PPM1E: variants seen among roughly 807,000 people sequenced by gnomAD.
PPM1E encodes the protein protein phosphatase 1E.
Under a neutral mutation model 65.9 loss-of-function variants are expected in PPM1E, and 20 were observed. The observed-to-expected ratio is 0.30, with a 90% CI of 0.21 to 0.44. The LOEUF (loss-of-function observed/expected upper bound fraction) is 0.44. PPM1E is among the 20% of genes least tolerant of loss of function. PPM1E has a pLI of 1.00. For synonymous variants in PPM1E, 352 were observed against 374.9 expected, an observed-to-expected ratio of 0.94 and a Z score of 0.70; for missense variants, 713 against 953.1, an observed-to-expected ratio of 0.75 and a Z score of 3.32.
intron 1 of PPM1E, among the ~76,000 whole-genome samples, chr17:58,818,842 G>A (rs1016824741): frequency 6.6e-6 from 1 of 152,274 alleles, no homozygotes; most frequent in South Asian, 2.1e-4. Flanking sequence ...TACTCAACAC[G>A]TATTTGCTGA....
intron 1 of PPM1E, among the ~76,000 whole-genome samples, chr17:58,772,785 A>G (rs2049953106): frequency 6.6e-6 from 1 of 152,026 alleles, no homozygotes; most frequent in Non-Finnish European, 1.5e-5. Context: ...GGCACTGTAG[A>G]CTCTGTATTT....
chr17:58,800,121 T>C (rs1443506130), intron 1 of PPM1E, among the ~76,000 whole-genome samples: 2 of 152,206 alleles, frequency 1.3e-5, no homozygotes, highest in Non-Finnish European at 2.9e-5. Context: ...TATATATACA[T>C]ATAGATGGAT....
intron 1 of PPM1E, among the ~76,000 whole-genome samples, chr17:58,840,935 C>G (rs1291942699): frequency 6.6e-6 from 1 of 152,128 alleles, no homozygotes; most frequent in Non-Finnish European, 1.5e-5. Flanking sequence ...AGAGAAAAAG[C>G]TGTCTGCAAA....
Position 58,979,984 on chromosome 17 carries a change from A to G in PPM1E, c.1221A>G (p.Glu407=). ...LSVSRAIGDA[E]HKPYICGDAD... ...CTCTGCTTCCCGCAGGAGATGCTGA[A>G]CATAAGCCATATATCTGTGGGGATG... The change falls in exon 7 of 7, where the codon GAA becomes GAG. Residue 407 remains glutamate, a synonymous_variant. Transcript: ENST00000308249. 1 of 1,612,330 alleles carries G rather than the reference A, an allele frequency of 6.2e-7. No individual in the cohort carries two copies. The highest frequency in any genetic ancestry group is 8.5e-7 in the Non-Finnish European group (1 of 1,178,696).
intron 1 of PPM1E, among the ~76,000 whole-genome samples, chr17:58,926,759 C>A (rs1447161195): frequency 3.3e-5 from 5 of 152,086 alleles, no homozygotes; most frequent in Admixed American, 3.3e-4. Flanking sequence ...TATAACAAAA[C>A]CAATTAGCTA....
rs1008941709 is a variant in PPM1E at position 58,826,792 on chromosome 17, A to AT, written c.464+70341dup. On this transcript the variant is annotated intron_variant, in intron 1 of 6. Coordinates refer to ENST00000308249, the MANE Select transcript of PPM1E (RefSeq NM_014906.5). ...AGGTGCATGCCACCTCACCTGGCTA[A>AT]TTTTTTTTTTGTATTTTTAGTAGAG... Among the ~76,000 whole-genome samples the AT allele has an allele frequency of 5.8e-4, 86 of 148,258 alleles. 2 individuals carry two copies. The highest frequency in any genetic ancestry group is 1.6e-3 in the Admixed American group (24 of 14,848).
At chr17:58,928,320 A>G (rs935254596) in intron 1 of PPM1E, among the ~76,000 whole-genome samples, 2 of 152,094 alleles carry the variant, frequency 1.3e-5, no homozygotes, top group Non-Finnish European at 2.9e-5. Context: ...CTAATCTAGC[A>G]TTCTTATACT....
At chr17:58,889,430 C>T (rs2051318878) in intron 1 of PPM1E, among the ~76,000 whole-genome samples, 1 of 152,104 alleles carries the variant, frequency 6.6e-6, no homozygotes, top group African/African-American at 2.4e-5. Context: ...GAAACCCCAT[C>T]TCTACTAAAA....
chr17:58,843,023 A>C (rs1004060707), intron 1 of PPM1E, among the ~76,000 whole-genome samples: 4 of 152,126 alleles, frequency 2.6e-5, no homozygotes, highest in Non-Finnish European at 5.9e-5. Flanking sequence ...TGGGTGGCTC[A>C]TGCCTGTAAT....
chr17:58,761,527 A>C (rs1337664097), intron 1 of PPM1E, among the ~76,000 whole-genome samples: 1 of 152,190 alleles, frequency 6.6e-6, no homozygotes, highest in East Asian at 1.9e-4. Flanking sequence ...GCTATATTAA[A>C]CTAATGTATT....
chr17:58,944,878 G>T (rs1408502106), intron 1 of PPM1E, among the ~76,000 whole-genome samples: 1 of 152,078 alleles, frequency 6.6e-6, no homozygotes, highest in East Asian at 1.9e-4. Context: ...CTGGCCATAT[G>T]GTAACTTTAT....
At chr17:58,945,692 C>T (rs1016040278) in intron 1 of PPM1E, among the ~76,000 whole-genome samples, 4 of 152,104 alleles carry the variant, frequency 2.6e-5, no homozygotes, top group South Asian at 4.2e-4. Context: ...CAACCTTCTC[C>T]GAAGTTAAAT....
chr17:58,817,938 A>C (rs1454268371), intron 1 of PPM1E, among the ~76,000 whole-genome samples: 3 of 152,094 alleles, frequency 2.0e-5, no homozygotes, highest in African/African-American at 7.2e-5. Flanking sequence ...TTTTTAGTAG[A>C]GACGGTGTTT....
intron 2 of PPM1E, among the ~76,000 whole-genome samples, chr17:58,964,091 C>T (rs1204680432): frequency 6.6e-6 from 1 of 152,130 alleles, no homozygotes; most frequent in Non-Finnish European, 1.5e-5. Flanking sequence ...AGTTGGGAGT[C>T]CACGTCCCAG....
Position 58,943,046 on chromosome 17 carries a change from T to A in PPM1E, c.465-12603T>A, listed in dbSNP as rs565496067. On this transcript the variant is annotated intron_variant, in intron 1 of 6. Transcript: ENST00000308249. ...TCTAAAAACAAGTAAAAATTTTTTT[T>A]AAAGATAGCAATCTCTAGCCAAAGA... Among the ~76,000 whole-genome samples, 15 of 151,598 alleles carry A rather than the reference T, an allele frequency of 9.9e-5. No homozygotes were observed. In the South Asian group the frequency reaches 3.1e-3, roughly 32 times the overall value.
chr17:58,946,649 T>C (rs538786847), intron 1 of PPM1E, among the ~76,000 whole-genome samples: 2 of 152,186 alleles, frequency 1.3e-5, no homozygotes, highest in African/African-American at 4.8e-5. Context: ...TGAGACAGGG[T>C]CTTGTTAAGT....
chr17:58,933,188 CAT>C (rs1312566069), intron 1 of PPM1E, among the ~76,000 whole-genome samples: 7 of 152,186 alleles, frequency 4.6e-5, no homozygotes, highest in African/African-American at 1.4e-4. Context: ...TTAAGTGACA[CAT>C]GACTGTAATT....
Position 58,973,708 on chromosome 17 carries a change from T to G in PPM1E, c.1210+783T>G, listed in dbSNP as rs578219750. ...TGGGTCACGCCTGTATTCCCAGCACTTTGGGAGGCTGAGGTGGGCAGATCA... is the reference window on the plus strand; with the variant it reads ...TGGGTCACGCCTGTATTCCCAGCACGTTGGGAGGCTGAGGTGGGCAGATCA... On this transcript the variant is annotated intron_variant, in intron 6 of 6. Transcript: ENST00000308249. Among the ~76,000 whole-genome samples the G allele has an allele frequency of 3.3e-5, 5 of 151,460 alleles. No homozygotes were observed. The East Asian group carries it at 9.8e-4, about 30-fold the overall frequency.
At chr17:58,897,287 G>A (rs921809403) in intron 1 of PPM1E, among the ~76,000 whole-genome samples, 4 of 151,892 alleles carry the variant, frequency 2.6e-5, no homozygotes, top group South Asian at 2.1e-4. Context: ...GGTGGTGGGC[G>A]CCTGTAGTCC....
Sources: gnomAD v4.1 joint callset for allele counts (sites outside exome capture counted in the v4.1 genomes callset) on GRCh38, gnomAD v4.1.1 for gene constraint, MANE v1.5 for transcripts, NCBI Gene and HGNC (gene_info 2026-07-23, HGNC 2026-07-21) for gene names.